The following INPP4B variants were observed in gnomAD, a reference collection of about 807,000 sequenced individuals.
The protein encoded by INPP4B is inositol polyphosphate-4-phosphatase type II B, also known as inositol polyphosphate 4-phosphatase type II.
In INPP4B, 55 loss-of-function variants were observed where a neutral mutation model predicts 122.5. The ratio of observed to expected loss-of-function variants is 0.45; its 90% CI spans 0.36 to 0.56. INPP4B has a LOEUF of 0.56. Among genes scored for constraint, INPP4B ranks in the 20% least tolerant of loss-of-function variants. The pLI, the probability that INPP4B is intolerant of heterozygous loss-of-function variation, is 0.00. For missense variants in INPP4B, 1,000 were observed against 1,097.7 expected, an observed-to-expected ratio of 0.91 and a Z score of 1.26; for synonymous variants, 403 against 388.7, an observed-to-expected ratio of 1.04 and a Z score of -0.43.
chr4:142,617,480 C>G (rs1743965881), intron 2 of INPP4B, among the ~76,000 whole-genome samples: 1 of 152,036 alleles, frequency 6.6e-6, no homozygotes, highest in Admixed American at 6.6e-5. Context: ...TCAGCAAGAC[C>G]AGGACAGCAC....
intron 2 of INPP4B, among the ~76,000 whole-genome samples, chr4:142,621,468 G>A (rs565915157): frequency 1.3e-5 from 2 of 151,936 alleles, no homozygotes; most frequent in South Asian, 4.2e-4. Context: ...CCCAGATTCA[G>A]GAGGAAAAGA....
Position 142,134,729 on chromosome 4 carries a change from G to A in INPP4B, c.1721-9969C>T, listed in dbSNP as rs1056331967. Among the ~76,000 whole-genome samples the A allele has an allele frequency of 9.4e-5, 14 of 149,212 alleles. No individual in the cohort carries two copies. The South Asian group carries it at 2.7e-3, about 29-fold the overall frequency. The stretch of plus-strand genomic sequence containing the variant: ...GGAGAATCACTTGAACCTGGGGGAC[G>A]GAGGTTGTGGTGAGCTGAGATCACA... On this transcript the variant is annotated intron_variant, in intron 18 of 25. Coordinates refer to ENST00000262992, the MANE Select transcript of INPP4B (RefSeq NM_001101669.3).
chr4:142,722,425 T>A (rs944930323), intron 2 of INPP4B, among the ~76,000 whole-genome samples: 1 of 152,146 alleles, frequency 6.6e-6, no homozygotes, highest in Admixed American at 6.6e-5. Context: ...GCTGGGGAAT[T>A]GATGGAAGAC....
intron 23 of INPP4B, among the ~76,000 whole-genome samples, chr4:142,094,813 T>C (rs1433404003): frequency 6.6e-6 from 1 of 152,228 alleles, no homozygotes; most frequent in Non-Finnish European, 1.5e-5. Context: ...AATGAGGTCT[T>C]GAATCTTTCT....
intron 2 of INPP4B, among the ~76,000 whole-genome samples, chr4:142,716,489 G>T (rs765069499): frequency 6.6e-6 from 1 of 151,414 alleles, no homozygotes; most frequent in African/African-American, 2.4e-5. Context: ...TTCCCCAAAC[G>T]GCAGAACAAA....
At chr4:142,560,002 G>A (rs942478059) in intron 2 of INPP4B, among the ~76,000 whole-genome samples, 1 of 152,128 alleles carries the variant, frequency 6.6e-6, no homozygotes, top group African/African-American at 2.4e-5. Flanking sequence ...TGGTATATGA[G>A]GACTGGTATC....
At chr4:142,742,916 C>T (rs528214090) in intron 1 of INPP4B, among the ~76,000 whole-genome samples, 15 of 151,818 alleles carry the variant, frequency 9.9e-5, no homozygotes, top group South Asian at 2.1e-4. Context: ...GAGAAGGAGA[C>T]GAGAGAGACG....
At chr4:142,743,340 T>C (rs1301967157) in intron 1 of INPP4B, among the ~76,000 whole-genome samples, 1 of 151,856 alleles carries the variant, frequency 6.6e-6, no homozygotes, top group Non-Finnish European at 1.5e-5. Context: ...TCAAGGAAGC[T>C]GAAGTGAATG....
intron 1 of INPP4B, among the ~76,000 whole-genome samples, chr4:142,843,565 T>A (rs1783825320): frequency 6.6e-6 from 1 of 152,102 alleles, no homozygotes; most frequent in Admixed American, 6.5e-5. Context: ...AAGACAAAAA[T>A]TTATTTTGTA....
chr4:142,073,912 G>C (rs563313766), intron 25 of INPP4B, among the ~76,000 whole-genome samples: 95 of 152,074 alleles, frequency 6.2e-4, no homozygotes, highest in African/African-American at 2.3e-3. Flanking sequence ...CAAGTGCAAA[G>C]GCATCAATCA....
In INPP4B at chr4:142,173,712, G is replaced by A. The variant is rs561832739; in HGVS notation, c.1279C>T (p.His427Tyr). 1.9e-6 allele frequency: 3 copies of A among 1,613,304 alleles called. No homozygotes were observed. The highest frequency in any genetic ancestry group is 2.7e-5 in the African/African-American group (2 of 74,970). ...INQLQPLIAT[H>Y]ADLLLNSASQ... Reference sequence around the variant, plus strand: ...GCAGAATTAAGCAGTAGGTCTGCATGGGTTGCTATAAGAGGTTGTAGTTGA... The same window carrying A: ...GCAGAATTAAGCAGTAGGTCTGCATAGGTTGCTATAAGAGGTTGTAGTTGA... The change falls in exon 16 of 26, where the codon CAT becomes TAT. Residue 427 changes from histidine (H) to tyrosine (Y), a missense_variant. Coordinates refer to ENST00000262992, the MANE Select transcript of INPP4B (RefSeq NM_001101669.3).
chr4:142,366,334 CA>C (rs3049117), intron 7 of INPP4B, among the ~76,000 whole-genome samples: 41,662 of 144,494 alleles, frequency 0.29, 5,990 homozygotes, highest in East Asian at 0.47. Flanking sequence ...TTGTTGCTCA[CA>C]AAAAAAAAAA....
At chr4:142,248,367 C>G (rs1168976374) in intron 11 of INPP4B, among the ~76,000 whole-genome samples, 4 of 86,396 alleles carry the variant, frequency 4.6e-5, no homozygotes, top group Non-Finnish European at 8.8e-5. Context: ...GATGGAGTTT[C>G]ACTGTTGTTG....
intron 2 of INPP4B, among the ~76,000 whole-genome samples, chr4:142,532,538 C>A (rs1159301213): frequency 6.6e-6 from 1 of 152,158 alleles, no homozygotes; most frequent in Non-Finnish European, 1.5e-5. Context: ...TTCAACCAAT[C>A]TGTGTGATTA....
At chr4:142,330,602 A>T (rs1170838612) in intron 7 of INPP4B, among the ~76,000 whole-genome samples, 1 of 152,216 alleles carries the variant, frequency 6.6e-6, no homozygotes, top group Admixed American at 6.5e-5. Flanking sequence ...CCATTAAATG[A>T]TAACTCTTCA....
intron 21 of INPP4B, among the ~76,000 whole-genome samples, chr4:142,117,251 A>G (rs1274630231): frequency 6.6e-6 from 1 of 152,128 alleles, no homozygotes; most frequent in Non-Finnish European, 1.5e-5. Flanking sequence ...AGCTGGTACC[A>G]TTCCTTCTGA....
At chr4:142,535,999 G>T (rs181554520) in intron 2 of INPP4B, among the ~76,000 whole-genome samples, 14 of 152,202 alleles carry the variant, frequency 9.2e-5, no homozygotes, top group Admixed American at 4.6e-4. Context: ...GGCAAGGAGG[G>T]CCTTTGCATT....
intron 7 of INPP4B, among the ~76,000 whole-genome samples, chr4:142,367,989 C>T (rs530611379): frequency 6.6e-6 from 1 of 152,100 alleles, no homozygotes; most frequent in African/African-American, 2.4e-5. Context: ...TTTCCTGTCC[C>T]TCCGTATTAA....
Position 142,282,323 on chromosome 4 carries a change from G to A in INPP4B, c.504-11549C>T, listed in dbSNP as rs150878591. Among the ~76,000 whole-genome samples the A allele has an allele frequency of 4.5e-4, 69 of 152,276 alleles. 1 individual carries two copies. The highest frequency in any genetic ancestry group is 1.6e-3 in the African/African-American group (68 of 41,554). On this transcript the variant is annotated intron_variant, in intron 9 of 25. Transcript: ENST00000262992. ...TTTGAGAAACAGCAAAGATGCCAAT[G>A]TGGCTAAAGCTAGATAGGTGGGGAA... is the stretch of plus-strand genomic sequence containing the variant.
Sources: allele counts gnomAD v4.1 joint callset (sites outside exome capture counted in the v4.1 genomes callset), GRCh38; gene constraint gnomAD v4.1.1; transcripts MANE v1.5; gene names NCBI Gene and HGNC (gene_info 2026-07-23, HGNC 2026-07-21).